GMPR: variants seen among roughly 807,000 people sequenced by gnomAD.
GMPR encodes the protein GMP reductase 1.
GMPR carries 31 observed loss-of-function variants against 38.4 expected under a neutral mutation model. The ratio of observed to expected loss-of-function variants is 0.81; its 90% CI spans 0.61 to 1.09. The LOEUF (loss-of-function observed/expected upper bound fraction) is 1.09. Among genes scored for constraint, GMPR ranks in the 50% least tolerant of loss-of-function variants. The probability of loss-of-function intolerance (pLI) is 0.00; values close to 1 mark genes in which losing one functional copy is unlikely to be tolerated. For missense variants in GMPR, 468 were observed against 453.7 expected, an observed-to-expected ratio of 1.03 and a Z score of -0.29; for synonymous variants, 162 against 173.3, an observed-to-expected ratio of 0.93 and a Z score of 0.51.
chr6:16,261,224 T>C (rs1210258639), intron 4 of GMPR, among the ~76,000 whole-genome samples: 1 of 151,886 alleles, frequency 6.6e-6, no homozygotes, highest in African/African-American at 2.4e-5. Context: ...TTGTAAGGAA[T>C]TGAGGTTTGG....
Position 16,238,620 on chromosome 6 carries a change from G to A in GMPR, c.-74G>A, listed in dbSNP as rs1172322723. The A allele has an allele frequency of 4.4e-6, 2 of 453,776 alleles. No homozygotes were observed. Among genetic ancestry groups the A allele is most frequent in the Non-Finnish European group, 6.0e-6 (2 of 330,710 alleles). The allele number at this position is 453,776 out of a possible 1,614,324, so 28.1% of individuals were successfully genotyped here. A position where few individuals can be genotyped will look rare whatever the true frequency, so the allele number is the denominator to read the frequency against. On this transcript the variant is annotated 5_prime_UTR_variant, in exon 1 of 9. Coordinates refer to ENST00000259727, the MANE Select transcript of GMPR (RefSeq NM_006877.4). ...TCCCGGCCGCGGCACAGCAGCCCCG[G>A]CGCTCCCCGCGCCGCCCCGCGCAGG... is the stretch of plus-strand genomic sequence containing the variant.
chr6:16,250,769 C>T (rs1404764055), intron 3 of GMPR, among the ~76,000 whole-genome samples: 2 of 152,006 alleles, frequency 1.3e-5, no homozygotes, highest in African/African-American at 4.8e-5. Context: ...TAGCCAGGCA[C>T]CGTGGGTCAT....
intron 1 of GMPR, 34 bp downstream of exon 1, chr6:16,238,814 A>ATT: frequency 4.7e-6 from 6 of 1,268,892 alleles, no homozygotes; most frequent in South Asian, 1.5e-5. Flanking sequence ...GTGGGGTGGG[A>ATT]TTTTTTTTTC....
At chr6:16,290,025 G>T (rs1581668376) in intron 7 of GMPR, 1 of 155,808 alleles carries the variant, frequency 6.4e-6, no homozygotes, top group Non-Finnish European at 1.4e-5. Context: ...TATCATGTTG[G>T]CCAGGCTGGT....
At chr6:16,260,805 A>G (rs1482585695) in intron 4 of GMPR, among the ~76,000 whole-genome samples, 2 of 151,922 alleles carry the variant, frequency 1.3e-5, no homozygotes, top group African/African-American at 4.8e-5. Context: ...AATGGAGTGA[A>G]TGTCAGGTGG....
chr6:16,262,922 G>C (rs1759115184), intron 4 of GMPR: 1 of 152,032 alleles, frequency 6.6e-6, no homozygotes, highest in Admixed American at 6.6e-5. Context: ...CAGGTGGGGA[G>C]GGCTAGTCAC....
At chr6:16,242,881 G>T (rs533787867) in intron 1 of GMPR, among the ~76,000 whole-genome samples, 1 of 152,056 alleles carries the variant, frequency 6.6e-6, no homozygotes, top group African/African-American at 2.4e-5. Flanking sequence ...CAGGTGATTC[G>T]CCTGCCTTGG....
At chr6:16,240,448 G>A (rs1758625467) in intron 1 of GMPR, among the ~76,000 whole-genome samples, 1 of 152,168 alleles carries the variant, frequency 6.6e-6, no homozygotes, top group Admixed American at 6.5e-5. Context: ...GCGGGAGGAT[G>A]GCTTGAGCCC....
intron 7 of GMPR, among the ~76,000 whole-genome samples, chr6:16,288,766 G>C (rs573502907): frequency 6.6e-6 from 1 of 152,356 alleles, no homozygotes; most frequent in South Asian, 2.1e-4. Context: ...CTCAGGGATT[G>C]TAAATACACC....
At chr6:16,255,397 TCA>T (rs1217926829) in intron 4 of GMPR, among the ~76,000 whole-genome samples, 2 of 152,186 alleles carry the variant, frequency 1.3e-5, no homozygotes, top group Non-Finnish European at 2.9e-5. Context: ...GGTTTGAGTG[TCA>T]CATATGTAGG....
intron 5 of GMPR, among the ~76,000 whole-genome samples, chr6:16,277,082 G>A (rs575888704): frequency 1.3e-4 from 20 of 152,292 alleles, no homozygotes; most frequent in African/African-American, 4.1e-4. Context: ...AGGCTGAACC[G>A]GGGGTTAAAC....
At chr6:16,247,608 C>T (rs959165623) in intron 2 of GMPR, among the ~76,000 whole-genome samples, 5 of 152,204 alleles carry the variant, frequency 3.3e-5, no homozygotes, top group Admixed American at 2.6e-4. Context: ...CTCCTGACCT[C>T]AGGTGATCCG....
At chr6:16,245,587 C>G (rs1465706799) in intron 1 of GMPR, among the ~76,000 whole-genome samples, 1 of 152,176 alleles carries the variant, frequency 6.6e-6, no homozygotes, top group African/African-American at 2.4e-5. Flanking sequence ...TGGGGAAGCA[C>G]CCACTTCTAA....
chr6:16,292,529 C>T (rs4716059), intron 8 of GMPR, among the ~76,000 whole-genome samples: 21,730 of 152,046 alleles, frequency 0.14, 1,653 homozygotes, highest in South Asian at 0.18. Context: ...TTCCCCCAAG[C>T]GGTCCCTGAT....
chr6:16,291,266 C>T (rs1466270563), intron 8 of GMPR, among the ~76,000 whole-genome samples: 1 of 151,944 alleles, frequency 6.6e-6, no homozygotes, highest in Non-Finnish European at 1.5e-5. Flanking sequence ...CTCTGTCGCC[C>T]AGGCTGGAGT....
chr6:16,270,563 A>C (rs911038936), intron 4 of GMPR, among the ~76,000 whole-genome samples: 10 of 152,132 alleles, frequency 6.6e-5, no homozygotes, highest in Non-Finnish European at 2.9e-5. Flanking sequence ...CGGGGACTTC[A>C]CTAAAGCCTG....
intron 4 of GMPR, among the ~76,000 whole-genome samples, chr6:16,266,125 AACACTTGCCATCTTTAAGAGCTG>A (rs1759207952): frequency 1.9e-5 from 1 of 51,702 alleles, no homozygotes; most frequent in Non-Finnish European, 3.0e-5. Context: ...TAAGAGCTGT[AACACTTGCCATCTTTAAGAGCTG>A]TAACACTTGC....
intron 2 of GMPR, among the ~76,000 whole-genome samples, chr6:16,248,702 T>C (rs918339315): frequency 6.6e-6 from 1 of 152,214 alleles, no homozygotes; most frequent in Non-Finnish European, 1.5e-5. Flanking sequence ...ATAAATTAAT[T>C]GCTAAGGAAC....
intron 8 of GMPR, among the ~76,000 whole-genome samples, chr6:16,293,891 G>A (rs1254619908): frequency 6.6e-6 from 1 of 152,220 alleles, no homozygotes; most frequent in Non-Finnish European, 1.5e-5. Flanking sequence ...CCTTAGATGA[G>A]AGCTAGAGTT....
Sources: gnomAD v4.1 joint callset for allele counts (sites outside exome capture counted in the v4.1 genomes callset) on GRCh38, gnomAD v4.1.1 for gene constraint, MANE v1.5 for transcripts, NCBI Gene and HGNC (gene_info 2026-07-23, HGNC 2026-07-21) for gene names.